IKZF3: variants seen among roughly 807,000 people sequenced by gnomAD.
IKZF3 encodes zinc finger protein Aiolos.
A neutral mutation model predicts 49.0 loss-of-function variants in IKZF3; 10 were observed. That is an observed-to-expected ratio of 0.20 (90% confidence interval 0.13 to 0.35). IKZF3 has a LOEUF of 0.35. Among genes scored for constraint, IKZF3 ranks in the 10% least tolerant of loss-of-function variants. The pLI is 1.00. For synonymous variants in IKZF3, 209 were observed against 228.2 expected (o/e 0.92, Z 0.76); for missense variants, 498 against 664.8 (o/e 0.75, Z 2.76).
Position 39,777,637 on chromosome 17 carries a change from G to A in IKZF3, c.826+14C>T, listed in dbSNP as rs2060622930. On this transcript the variant is annotated intron_variant, in intron 7 of 7. Coordinates refer to ENST00000346872, the MANE Select transcript of IKZF3 (RefSeq NM_012481.5). The stretch of plus-strand genomic sequence containing the variant: ...ATCTGCTAACAACAGCAGGAAAAAG[G>A]TTTGTATTCTTACCAATGAATTTCT... The A allele has an allele frequency of 6.3e-7, 1 of 1,578,458 alleles. No homozygotes were observed. Among genetic ancestry groups the A allele is most frequent in the African/African-American group, 1.3e-5 (1 of 74,120 alleles).
At chr17:39,851,068 T>C (rs35222145) in intron 1 of IKZF3, among the ~76,000 whole-genome samples, 3 of 147,326 alleles carry the variant, frequency 2.0e-5, no homozygotes, top group Non-Finnish European at 4.5e-5. Context: ...TATATATATA[T>C]ATAGAGAGAG....
intron 3 of IKZF3, among the ~76,000 whole-genome samples, chr17:39,822,515 T>C (rs990611550): frequency 6.6e-6 from 1 of 152,118 alleles, no homozygotes; most frequent in African/African-American, 2.4e-5. Context: ...TCCCCAGCCA[T>C]GCAGAACTGT....
At chr17:39,775,433 G>A (rs1451828181) in intron 7 of IKZF3, among the ~76,000 whole-genome samples, 5 of 152,124 alleles carry the variant, frequency 3.3e-5, no homozygotes, top group East Asian at 1.9e-4. Flanking sequence ...ATAGATCCCC[G>A]AGGCAACAGG....
At chr17:39,778,445 C>T (rs929166237) in intron 6 of IKZF3, among the ~76,000 whole-genome samples, 2 of 152,028 alleles carry the variant, frequency 1.3e-5, no homozygotes, top group Admixed American at 6.5e-5. Flanking sequence ...ACACTTCTGC[C>T]TTGAAATTAA....
At chr17:39,819,610 A>C (rs143856607) in intron 3 of IKZF3, among the ~76,000 whole-genome samples, 1 of 152,238 alleles carries the variant, frequency 6.6e-6, no homozygotes, top group Non-Finnish European at 1.5e-5. Flanking sequence ...GAAGTTTTAG[A>C]CAAATAACTC....
chr17:39,839,425 TA>T (rs1343762234), intron 1 of IKZF3: 3 of 595,392 alleles, frequency 5.0e-6, no homozygotes, highest in Non-Finnish European at 9.6e-6. Context: ...TACCTGATTT[TA>T]TTACCAGTTT....
At chr17:39,856,048 G>GTATATGTACAATATAACATGTATATTT in intron 1 of IKZF3, among the ~76,000 whole-genome samples, 1 of 132,728 alleles carries the variant, frequency 7.5e-6, no homozygotes, top group Non-Finnish European at 1.6e-5. Context: ...CATGTATATT[G>GTATATGTACAATATAACATGTATATTT]TATATGTACA....
At chr17:39,826,659 C>A (rs1460062227) in intron 3 of IKZF3, among the ~76,000 whole-genome samples, 2 of 152,180 alleles carry the variant, frequency 1.3e-5, no homozygotes, top group Non-Finnish European at 2.9e-5. Context: ...CATGTCAATG[C>A]TCGGTAAAAG....
At chr17:39,858,316 A>C (rs761334205) in intron 1 of IKZF3, among the ~76,000 whole-genome samples, 4 of 152,140 alleles carry the variant, frequency 2.6e-5, no homozygotes, top group African/African-American at 4.8e-5. Flanking sequence ...GAAAGAAAGA[A>C]AAGTTTCCTT....
Position 39,773,264 on chromosome 17 carries a change from T to C in IKZF3, c.826+4387A>G, listed in dbSNP as rs555144175. 5.2e-4 allele frequency among the ~76,000 whole-genome samples: 79 copies of C among 152,348 alleles called. 1 individual carries two copies. In the South Asian group the frequency reaches 0.016, roughly 31 times the overall value. ...TGGCGCTGCTCTGTCACCTGCCAGCTGTGTCACTCCACCTCTCTGATCCTC... is the reference window on the plus strand; with the variant it reads ...TGGCGCTGCTCTGTCACCTGCCAGCCGTGTCACTCCACCTCTCTGATCCTC... On this transcript the variant is annotated intron_variant, in intron 7 of 7. Coordinates refer to ENST00000346872, the MANE Select transcript of IKZF3 (RefSeq NM_012481.5).
chr17:39,781,332 G>A lies in IKZF3; in HGVS notation c.710-3565C>T, dbSNP rs140123823. Among the ~76,000 whole-genome samples the A allele has an allele frequency of 2.1e-3, 322 of 152,292 alleles. 1 individual carries two copies. Among genetic ancestry groups the A allele is most frequent in the African/African-American group, 7.0e-3 (292 of 41,556 alleles). On this transcript the variant is annotated intron_variant, in intron 6 of 7. Transcript: ENST00000346872. ...TTTTCTTAGAATCAGGGGAGAGGTA[G>A]CTAAGTTTGCACTTTGACTAGGAAC...
rs148899335 is a variant in IKZF3 at position 39,861,827 on chromosome 17, G to A, written c.7+2293C>T. ...ATGGAATAATATATGATCTGATGGT[G>A]AGAACAGTAACTCAGAGTTGCCGAG... On this transcript the variant is annotated intron_variant, in intron 1 of 7. Transcript: ENST00000346872. 7.2e-5 allele frequency among the ~76,000 whole-genome samples: 11 copies of A among 152,304 alleles called. No individual in the cohort carries two copies. The East Asian group carries it at 1.9e-3, about 27-fold the overall frequency.
Position 39,765,840 on chromosome 17 carries a change from C to T in IKZF3, c.1480G>A (p.Glu494Lys). 1.2e-6 allele frequency: 2 copies of T among 1,613,882 alleles called. No individual in the cohort carries two copies. Among genetic ancestry groups the T allele is most frequent in the Non-Finnish European group, 8.5e-7 (1 of 1,179,858 alleles). The change falls in exon 8 of 8, where the codon GAG becomes AAG. Residue 494 changes from glutamate to lysine, a missense_variant. Glu to Lys is a moderately conservative substitution (Grantham distance 56). Transcript: ENST00000346872. ...MCGYRSHDRY[E>K]FSSHIARGEH... ...CCTCTGGCTATGTGAGACGAGAACT[C>T]ATACCGATCATGGCTTCGATATCCA... is the stretch of plus-strand genomic sequence containing the variant.
At chr17:39,783,589 G>C (rs1250138748) in intron 6 of IKZF3, among the ~76,000 whole-genome samples, 1 of 152,136 alleles carries the variant, frequency 6.6e-6, no homozygotes, top group Non-Finnish European at 1.5e-5. Context: ...TAAAGTGCTG[G>C]GATTACAGGC....
At position 39,788,268 on chromosome 17, in the gene IKZF3, T is replaced by C. The variant is rs1258457363; in HGVS notation, c.699A>G (p.Pro233=). ...GTTGCGTGAACTCACCAGTGTCCCC[T>C]GGGTCAGTGCTCTGAAGAAATGTAC... The part of the protein sequence containing the change: ...RCRTFLQSTD[P]GDTASAEARH... The change falls in exon 6 of 8, where the codon CCA becomes CCG. Residue 233 remains proline (P), a synonymous_variant. Coordinates refer to ENST00000346872, the MANE Select transcript of IKZF3 (RefSeq NM_012481.5). 4 of 1,610,576 alleles carry C rather than the reference T, an allele frequency of 2.5e-6. No homozygotes were observed. Among genetic ancestry groups the C allele is most frequent in the Non-Finnish European group, 1.7e-6 (2 of 1,176,960 alleles).
At chr17:39,862,444 C>T (rs889402799) in intron 1 of IKZF3, among the ~76,000 whole-genome samples, 3 of 151,966 alleles carry the variant, frequency 2.0e-5, no homozygotes, top group African/African-American at 7.3e-5. Flanking sequence ...GAGATCAAAA[C>T]CACAAGATGA....
chr17:39,853,847 AGG>A (rs1317944868), intron 1 of IKZF3, among the ~76,000 whole-genome samples: 5 of 150,844 alleles, frequency 3.3e-5, no homozygotes, highest in African/African-American at 1.2e-4. Flanking sequence ...AAAAAAAAAA[AGG>A]AAGAACACGG....
chr17:39,849,919 G>A (rs1031530829), intron 1 of IKZF3, among the ~76,000 whole-genome samples: 3 of 151,398 alleles, frequency 2.0e-5, no homozygotes, highest in African/African-American at 7.3e-5. Flanking sequence ...TTGCTAGTGG[G>A]AGGGTAAACT....
chr17:39,789,422 G>C (rs939148989), intron 5 of IKZF3, among the ~76,000 whole-genome samples: 7 of 152,178 alleles, frequency 4.6e-5, no homozygotes, highest in Non-Finnish European at 8.8e-5. Context: ...AATTAGCCAG[G>C]CGTGATGGCG....
Sources: gnomAD v4.1 joint callset for allele counts (sites outside exome capture counted in the v4.1 genomes callset) on GRCh38, gnomAD v4.1.1 for gene constraint, MANE v1.5 for transcripts, NCBI Gene and HGNC (gene_info 2026-07-23, HGNC 2026-07-21) for gene names.